The following SUGCT variants were observed in gnomAD, a reference collection of about 807,000 sequenced individuals.
SUGCT encodes succinyl-CoA:glutarate-CoA transferase.
In SUGCT, 41 loss-of-function variants were observed where a neutral mutation model predicts 55.0. The observed-to-expected ratio is 0.74, with a 90% CI of 0.58 to 0.97. The LOEUF is 0.97. SUGCT is among the 50% of genes least tolerant of loss of function. SUGCT has a pLI of 0.00. For missense variants in SUGCT, 568 were observed against 547.8 expected, an observed-to-expected ratio of 1.04 and a Z score of -0.37; for synonymous variants, 187 against 200.4, an observed-to-expected ratio of 0.93 and a Z score of 0.56.
chr7:40,447,699 T>C (rs756590087), intron 9 of SUGCT, among the ~76,000 whole-genome samples: 1 of 152,124 alleles, frequency 6.6e-6, no homozygotes, highest in Non-Finnish European at 1.5e-5. Flanking sequence ...AAGAGAAGGA[T>C]TCAGTGGAAA....
chr7:40,191,777 T>C (rs1215415205), intron 5 of SUGCT, among the ~76,000 whole-genome samples: 1 of 152,166 alleles, frequency 6.6e-6, no homozygotes, highest in Non-Finnish European at 1.5e-5. Context: ...TTCTCTAGTC[T>C]TTCATATTTC....
the SUGCT span, among the ~76,000 whole-genome samples, chr7:41,014,357 G>T: frequency 7.2e-5 from 11 of 152,126 alleles, no homozygotes; most frequent in Admixed American, 5.2e-4. Flanking sequence ...GATCATGACA[G>T]GTATTAGTTA....
the SUGCT span, among the ~76,000 whole-genome samples, chr7:40,948,675 A>C: frequency 6.6e-6 from 1 of 150,708 alleles, no homozygotes; most frequent in African/African-American, 2.4e-5. Flanking sequence ...TCATTGTTCA[A>C]CTCCCACTTA....
chr7:40,420,322 G>GT (rs1196132429), intron 9 of SUGCT, among the ~76,000 whole-genome samples: 14 of 151,652 alleles, frequency 9.2e-5, no homozygotes, highest in South Asian at 2.1e-4. Flanking sequence ...AGAGTATGTA[G>GT]TTTTTTTTGT....
chr7:40,915,508 A>G, the SUGCT span, among the ~76,000 whole-genome samples: 651 of 152,324 alleles, frequency 4.3e-3, 8 homozygotes, highest in African/African-American at 0.015. Context: ...AGTAATAACA[A>G]CAACAAAAAC....
At chr7:40,407,237 T>C (rs1786421121) in intron 9 of SUGCT, among the ~76,000 whole-genome samples, 1 of 152,066 alleles carries the variant, frequency 6.6e-6, no homozygotes, top group Non-Finnish European at 1.5e-5. Flanking sequence ...AAGGAAAATT[T>C]TACCCTGATT....
intron 12 of SUGCT, among the ~76,000 whole-genome samples, chr7:40,618,677 A>G (rs996073450): frequency 1.3e-5 from 2 of 152,184 alleles, no homozygotes; most frequent in Admixed American, 6.5e-5. Context: ...TTGTATAGAA[A>G]CTTCGTTCAT....
At chr7:40,832,553 G>GTTT (rs1420713072) in intron 13 of SUGCT, among the ~76,000 whole-genome samples, 10 of 133,590 alleles carry the variant, frequency 7.5e-5, no homozygotes, top group Non-Finnish European at 9.6e-5. Context: ...GTTTTCCAGG[G>GTTT]TTTTTTTTGT....
chr7:40,982,794 T>A, the SUGCT span, among the ~76,000 whole-genome samples: 1 of 152,112 alleles, frequency 6.6e-6, no homozygotes, highest in African/African-American at 2.4e-5. Context: ...ACTACAGGCA[T>A]GTGCCACTAT....
chr7:40,368,031 C>T (rs915409154), intron 9 of SUGCT, among the ~76,000 whole-genome samples: 14 of 152,138 alleles, frequency 9.2e-5, no homozygotes, highest in African/African-American at 2.7e-4. Flanking sequence ...TTCCATCTCC[C>T]TAGAGCACTT....
chr7:40,363,236 A>C (rs1191187581), intron 9 of SUGCT, among the ~76,000 whole-genome samples: 1 of 151,072 alleles, frequency 6.6e-6, no homozygotes, highest in Admixed American at 6.6e-5. Flanking sequence ...GCGGTCTATC[A>C]ATTTTGTTGA....
At chr7:40,531,600 ATCTT>A (rs35429948) in intron 12 of SUGCT, among the ~76,000 whole-genome samples, 10,651 of 147,198 alleles carry the variant, frequency 0.072, 564 homozygotes, top group Non-Finnish European at 0.11. Flanking sequence ...GTTCCTATCT[ATCTT>A]CACAGCCATG....
At chr7:40,898,354 G>A in the SUGCT span, among the ~76,000 whole-genome samples, 6 of 152,102 alleles carry the variant, frequency 3.9e-5, no homozygotes, top group South Asian at 2.1e-4. Context: ...CTGCGGCTTC[G>A]CTCCTGAAGT....
the SUGCT span, among the ~76,000 whole-genome samples, chr7:40,981,020 A>C: frequency 2.6e-5 from 4 of 152,042 alleles, no homozygotes; most frequent in Non-Finnish European, 4.4e-5. Flanking sequence ...AAGGCTCAAG[A>C]ATAATCCTCT....
chr7:40,483,071 A>G (rs948757555), intron 11 of SUGCT, among the ~76,000 whole-genome samples: 2 of 152,222 alleles, frequency 1.3e-5, no homozygotes, highest in East Asian at 3.8e-4. Context: ...TGAGGAAATT[A>G]CAGGAAATAT....
chr7:40,443,946 G>A lies in SUGCT; in HGVS notation c.817-5341G>A, dbSNP rs1196770865. 2.0e-5 allele frequency among the ~76,000 whole-genome samples: 3 copies of A among 152,160 alleles called. No homozygotes were observed. In the South Asian group the frequency reaches 6.2e-4, roughly 32 times the overall value. ...AGTTTCAGCTTTCTACATATGGCTA[G>A]CCAGTTTTCCCAGCACCATTTATTA... On this transcript the variant is annotated intron_variant, in intron 9 of 13. Transcript: ENST00000335693.
chr7:40,415,037 T>C (rs1321149540), intron 9 of SUGCT, among the ~76,000 whole-genome samples: 4 of 62,730 alleles, frequency 6.4e-5, no homozygotes, highest in Non-Finnish European at 1.2e-4. Context: ...AGAGCCACAC[T>C]CTGTCACAAA....
At chr7:40,246,885 C>T (rs1306099155) in intron 7 of SUGCT, among the ~76,000 whole-genome samples, 1 of 152,140 alleles carries the variant, frequency 6.6e-6, no homozygotes, top group Non-Finnish European at 1.5e-5. Flanking sequence ...AGACGTGAGC[C>T]ACCATGCTTG....
chr7:40,670,669 A>G (rs33997358), intron 12 of SUGCT, among the ~76,000 whole-genome samples: 12,342 of 152,192 alleles, frequency 0.081, 614 homozygotes, highest in East Asian at 0.23. Flanking sequence ...AAATTTGACA[A>G]CTTAGATGGA....
Sources: gnomAD v4.1 joint callset for allele counts (sites outside exome capture counted in the v4.1 genomes callset) on GRCh38, gnomAD v4.1.1 for gene constraint, MANE v1.5 for transcripts, NCBI Gene and HGNC (gene_info 2026-07-23, HGNC 2026-07-21) for gene names.